AFF3: variants seen among roughly 807,000 people sequenced by gnomAD.
AFF3 encodes the protein AF4/FMR2 family member 3.
In AFF3, 32 loss-of-function variants were observed where a neutral mutation model predicts 129.7. The ratio of observed to expected loss-of-function variants is 0.25; its 90% CI spans 0.19 to 0.33. AFF3 has a LOEUF of 0.33. Among genes scored for constraint, AFF3 ranks in the 10% least tolerant of loss-of-function variants. The probability of loss-of-function intolerance (pLI) is 1.00; values close to 1 mark genes in which losing one functional copy is unlikely to be tolerated. For synonymous variants in AFF3, 644 were observed against 635.4 expected (o/e 1.01, Z -0.20); for missense variants, 1,373 against 1,592.0 (o/e 0.86, Z 2.34).
In AFF3 at chr2:99,820,870, C is replaced by CTTT. The variant is rs869085194; in HGVS notation, c.921+16604_921+16606dup. 2.7e-4 allele frequency among the ~76,000 whole-genome samples: 27 copies of CTTT among 101,712 alleles called. 1 individual carries two copies. The highest frequency in any genetic ancestry group is 3.4e-4 in the Non-Finnish European group (17 of 50,400). 66.7% of individuals were successfully genotyped at this position (101,712 alleles called of 152,430 possible). A position where few individuals can be genotyped will look rare whatever the true frequency, so the allele number is the denominator to read the frequency against. Reference sequence around the variant, plus strand: ...AATATCACTGTCTTCTCCTCCACATCTTTTTTTTTTTTTTTTTTTTTGGAT... The same window carrying CTTT: ...AATATCACTGTCTTCTCCTCCACATCTTTTTTTTTTTTTTTTTTTTTTTTGGAT... On this transcript the variant is annotated intron_variant, in intron 8 of 24. Coordinates refer to ENST00000672756, the MANE Select transcript of AFF3 (RefSeq NM_001386135.1).
At chr2:99,844,508 G>A (rs1689584975) in intron 7 of AFF3, among the ~76,000 whole-genome samples, 1 of 135,432 alleles carries the variant, frequency 7.4e-6, no homozygotes, top group South Asian at 2.4e-4. Context: ...CGCCATCTCG[G>A]CTCACTGCAA....
At position 99,551,002 on chromosome 2, in the gene AFF3, A is replaced by G. The variant is rs538754540; in HGVS notation, c.*472T>C. 7.6e-6 allele frequency: 3 copies of G among 395,396 alleles called. No homozygotes were observed. In the South Asian group the frequency reaches 3.8e-4, roughly 50 times the overall value. 24.5% of individuals were successfully genotyped at this position (395,396 alleles called of 1,614,324 possible). On this transcript the variant is annotated 3_prime_UTR_variant, in exon 25 of 25. Transcript: ENST00000672756. ...TGAAAGTAATCAACAGTATAAGAGC[A>G]GGTCCATCTTCACTGGCAGTCAAGC...
At chr2:100,131,739 C>T (rs1364506747) in intron 1 of AFF3, among the ~76,000 whole-genome samples, 1 of 152,152 alleles carries the variant, frequency 6.6e-6, no homozygotes, top group Non-Finnish European at 1.5e-5. Flanking sequence ...GGATTACAGG[C>T]GTGGATAAAC....
chr2:99,888,047 A>C (rs1693253734), intron 7 of AFF3, among the ~76,000 whole-genome samples: 1 of 152,252 alleles, frequency 6.6e-6, no homozygotes, highest in South Asian at 2.1e-4. Flanking sequence ...TAATAACTTC[A>C]GAAACGCTGT....
In AFF3 at chr2:99,887,967, G is replaced by A. The variant is rs78756740; in HGVS notation, c.874-50443C>T. Among the ~76,000 whole-genome samples the A allele has an allele frequency of 9.2e-5, 14 of 152,232 alleles. No individual in the cohort carries two copies. The East Asian group carries it at 2.7e-3, about 29-fold the overall frequency. The stretch of plus-strand genomic sequence containing the variant: ...CCTAAATGCTACACTAAATATCCAT[G>A]GACGTCCATGATTCTGAGAACTAGC... On this transcript the variant is annotated intron_variant, in intron 7 of 24. Transcript: ENST00000672756.
At chr2:99,608,863 C>G (rs1347702252) in intron 13 of AFF3, among the ~76,000 whole-genome samples, 1 of 152,054 alleles carries the variant, frequency 6.6e-6, no homozygotes, top group African/African-American at 2.4e-5. Flanking sequence ...AGCAATGAAA[C>G]ACATTTGGTA....
intron 7 of AFF3, among the ~76,000 whole-genome samples, chr2:99,881,642 C>T (rs778403152): frequency 1.7e-4 from 26 of 152,112 alleles, no homozygotes; most frequent in African/African-American, 4.1e-4. Context: ...ATGTTTGATC[C>T]GGAAAATCTG....
At chr2:100,052,587 G>T (rs192750959) in intron 4 of AFF3, among the ~76,000 whole-genome samples, 1 of 152,174 alleles carries the variant, frequency 6.6e-6, no homozygotes, top group Non-Finnish European at 1.5e-5. Context: ...CTATGTGCAG[G>T]GTCTGTCTCC....
At position 100,075,379 on chromosome 2, in the gene AFF3, G is replaced by A. The variant is rs1052674211; in HGVS notation, c.53+29023C>T. On this transcript the variant is annotated intron_variant, in intron 4 of 24. Transcript: ENST00000672756. ...TCATTTTGCCCCCTCTAGTGAGGGGGCATTTCTTTATATTAAAGCCCTGAG... is the reference window on the plus strand; with the variant it reads ...TCATTTTGCCCCCTCTAGTGAGGGGACATTTCTTTATATTAAAGCCCTGAG... 5.3e-5 allele frequency among the ~76,000 whole-genome samples: 8 copies of A among 152,178 alleles called. 1 individual carries two copies. In the South Asian group the frequency reaches 1.2e-3, roughly 24 times the overall value.
chr2:100,142,270 G>A (rs1692921725), intron 1 of AFF3, among the ~76,000 whole-genome samples: 1 of 151,658 alleles, frequency 6.6e-6, no homozygotes, highest in South Asian at 2.1e-4. Context: ...ACCAACTTTG[G>A]TCACATCCCA....
intron 12 of AFF3, among the ~76,000 whole-genome samples, chr2:99,667,581 A>G (rs1211588858): frequency 6.6e-6 from 1 of 152,244 alleles, no homozygotes; most frequent in East Asian, 1.9e-4. Context: ...TTCTTTCAAA[A>G]GATCAATACA....
intron 2 of AFF3, chr2:100,107,434 G>T: frequency 3.0e-6 from 3 of 985,128 alleles, no homozygotes; most frequent in Non-Finnish European, 3.6e-6. Flanking sequence ...GGATTAGAAT[G>T]TCAGAACTAA....
intron 13 of AFF3, among the ~76,000 whole-genome samples, chr2:99,618,525 C>T (rs1301402368): frequency 4.6e-5 from 7 of 151,932 alleles, no homozygotes; most frequent in East Asian, 1.9e-4. Context: ...TGTGAGCCAC[C>T]GCACCCAGCC....
chr2:100,031,846 C>A (rs969434667), intron 4 of AFF3, among the ~76,000 whole-genome samples: 1 of 152,196 alleles, frequency 6.6e-6, no homozygotes, highest in Non-Finnish European at 1.5e-5. Flanking sequence ...GCTGAATCAC[C>A]CATGTGGAAG....
At chr2:99,701,753 C>T (rs1175710476) in intron 11 of AFF3, among the ~76,000 whole-genome samples, 1 of 152,214 alleles carries the variant, frequency 6.6e-6, no homozygotes, top group Non-Finnish European at 1.5e-5. Flanking sequence ...TAACAGTCTA[C>T]CACAATCAAA....
intron 7 of AFF3, among the ~76,000 whole-genome samples, chr2:99,920,133 A>C (rs1695754153): frequency 1.3e-5 from 2 of 152,102 alleles, no homozygotes; most frequent in African/African-American, 4.8e-5. Context: ...GTTTTTCCAA[A>C]AAATGAATAA....
intron 7 of AFF3, among the ~76,000 whole-genome samples, chr2:99,996,634 C>A (rs1680865115): frequency 6.6e-6 from 1 of 151,348 alleles, no homozygotes; most frequent in Admixed American, 6.6e-5. Context: ...CCCGCCTCAG[C>A]CTCCCAAAGT....
At chr2:99,714,384 C>G (rs974552566) in intron 11 of AFF3, among the ~76,000 whole-genome samples, 6 of 152,082 alleles carry the variant, frequency 3.9e-5, no homozygotes, top group Non-Finnish European at 8.8e-5. Flanking sequence ...CTTGAAGAGG[C>G]CCTTTCTATT....
intron 1 of AFF3, among the ~76,000 whole-genome samples, chr2:100,131,810 G>C (rs1433690446): frequency 1.3e-5 from 2 of 152,160 alleles, no homozygotes; most frequent in East Asian, 3.8e-4. Context: ...AATGTTAAAA[G>C]CTAATGTTTG....
Sources: gnomAD v4.1 joint callset for allele counts (sites outside exome capture counted in the v4.1 genomes callset) on GRCh38, gnomAD v4.1.1 for gene constraint, MANE v1.5 for transcripts, NCBI Gene and HGNC (gene_info 2026-07-23, HGNC 2026-07-21) for gene names.